The following RFT1 variants were observed in gnomAD, a reference collection of about 807,000 sequenced individuals.
RFT1 encodes man(5)GlcNAc(2)-PP-dolichol translocation protein RFT1.
RFT1 carries 43 observed loss-of-function variants against 62.2 expected under a neutral mutation model. The observed-to-expected ratio is 0.69, with a 90% CI of 0.54 to 0.89. The LOEUF (loss-of-function observed/expected upper bound fraction) is 0.89. Among genes scored for constraint, RFT1 ranks in the 40% least tolerant of loss-of-function variants. The pLI, the probability that RFT1 is intolerant of heterozygous loss-of-function variation, is 0.00. For synonymous variants in RFT1, 262 were observed against 264.6 expected, an observed-to-expected ratio of 0.99 and a Z score of 0.10; for missense variants, 605 against 649.9, an observed-to-expected ratio of 0.93 and a Z score of 0.75.
At chr3:53,123,939 A>G (rs1291061783) in intron 2 of RFT1, 99 bp from the exon 3 acceptor site, 1 of 948,664 alleles carries the variant, frequency 1.1e-6, no homozygotes, top group East Asian at 2.6e-5. Flanking sequence ...AGTCTTGGTC[A>G]TAAACCACTG....
Position 53,091,877 on chromosome 3 carries a change from C to A in RFT1, c.*26G>T, listed in dbSNP as rs994360246. 1 of 1,613,300 alleles carries A rather than the reference C, an allele frequency of 6.2e-7. No individual in the cohort carries two copies. Among genetic ancestry groups the A allele is most frequent in the African/African-American group, 1.3e-5 (1 of 75,050 alleles). On this transcript the variant is annotated 3_prime_UTR_variant, in exon 13 of 13. Transcript: ENST00000296292. ...GAACTACCCATAGCTGGTCCAGGTG[C>A]CTCGGGTGTCCAGGCTTCCCTGAAG...
intron 6 of RFT1, among the ~76,000 whole-genome samples, chr3:53,115,366 TA>T (rs1422653587): frequency 6.6e-6 from 1 of 152,110 alleles, no homozygotes; most frequent in Non-Finnish European, 1.5e-5. Context: ...TAAGACACTA[TA>T]ACTCTGTAAG....
Position 53,104,015 on chromosome 3 carries a change from C to T in RFT1, c.1040G>A (p.Gly347Asp). The T allele has an allele frequency of 6.2e-7, 1 of 1,614,186 alleles. No homozygotes were observed. Among genetic ancestry groups the T allele is most frequent in the Non-Finnish European group, 8.5e-7 (1 of 1,180,032 alleles). The stretch of plus-strand genomic sequence containing the variant: ...CAGAGCCAGCTGAGAATAGGCAAAG[C>T]CAAAAACAGTGATGGTCAGGCCGGC... ...LLAGLTITVF[G>D]FAYSQLALDI... Residue 347 changes from glycine (G) to aspartate (D), a missense_variant, in exon 10 of 13, where the codon GGC (glycine) becomes GAC (aspartate). Physicochemically the swap from Gly to Asp is moderately conservative, Grantham distance 94 (BLOSUM62 -1). Coordinates refer to ENST00000296292, the MANE Select transcript of RFT1 (RefSeq NM_052859.4).
intron 11 of RFT1, among the ~76,000 whole-genome samples, chr3:53,097,330 G>A (rs1701172122): frequency 6.6e-6 from 1 of 152,076 alleles, no homozygotes; most frequent in African/African-American, 2.4e-5. Context: ...GGCCCAGAAA[G>A]AACTGGAACT....
chr3:53,076,129 A>G, the RFT1 span, among the ~76,000 whole-genome samples: 2 of 152,226 alleles, frequency 1.3e-5, no homozygotes, highest in African/African-American at 4.8e-5. Context: ...TAAACCCACA[A>G]AGTGGTCCCA....
chr3:53,111,783 C>T, intron 7 of RFT1, 47 bp downstream of exon 7: 1 of 1,497,846 alleles, frequency 6.7e-7, no homozygotes, highest in Non-Finnish European at 9.3e-7. Context: ...CTATGAAATC[C>T]CCTTCTACTA....
intron 7 of RFT1, among the ~76,000 whole-genome samples, chr3:53,110,025 G>A (rs906214739): frequency 6.6e-5 from 10 of 152,134 alleles, no homozygotes; most frequent in Admixed American, 2.6e-4. Flanking sequence ...CAGGCTCCTG[G>A]CACCACATTC....
downstream of RFT1, among the ~76,000 whole-genome samples, chr3:53,083,681 A>G (rs1275606975): frequency 6.6e-6 from 1 of 152,216 alleles, no homozygotes; most frequent in Non-Finnish European, 1.5e-5. Context: ...AAGACAAGTC[A>G]CCACTGTGCT....
intron 9 of RFT1, among the ~76,000 whole-genome samples, chr3:53,105,422 C>T (rs938906112): frequency 3.7e-5 from 5 of 135,078 alleles, no homozygotes; most frequent in African/African-American, 1.1e-4. Context: ...CCCGCCCCCC[C>T]CCCCAAAAAG....
At chr3:53,068,277 C>T in the RFT1 span, among the ~76,000 whole-genome samples, 2 of 151,960 alleles carry the variant, frequency 1.3e-5, no homozygotes, top group African/African-American at 4.8e-5. Flanking sequence ...GACTGCCCCC[C>T]ATCCATGCTA....
In RFT1 at chr3:53,111,813, A is replaced by C. The variant is rs748210037; in HGVS notation, c.775+17T>G. 1 of 1,606,276 alleles carries C rather than the reference A, an allele frequency of 6.2e-7. No individual in the cohort carries two copies. Among genetic ancestry groups the C allele is most frequent in the South Asian group, 1.1e-5 (1 of 90,938 alleles). On this transcript the variant is annotated intron_variant, in intron 7 of 12. Transcript: ENST00000296292. ...CTACTATGGTCTCCCGACGATTCAG[A>C]GTGACCGTCTACTTACCTTCTGTCA...
At chr3:53,118,323 G>A (rs754112563) in intron 6 of RFT1, among the ~76,000 whole-genome samples, 8 of 152,144 alleles carry the variant, frequency 5.3e-5, no homozygotes, top group Non-Finnish European at 7.4e-5. Context: ...GGGGGCAGGG[G>A]GCAGAAGCTC....
At chr3:53,107,911 C>T (rs562479550) in intron 7 of RFT1, among the ~76,000 whole-genome samples, 30 of 152,298 alleles carry the variant, frequency 2.0e-4, no homozygotes, top group African/African-American at 7.0e-4. Context: ...CTTTCTCCCA[C>T]CCTGACTCTC....
the RFT1 span, chr3:53,077,764 T>C: frequency 6.6e-6 from 1 of 152,264 alleles, no homozygotes; most frequent in Non-Finnish European, 1.5e-5. Flanking sequence ...GGACAGGTCC[T>C]TGTTGCTGGC....
chr3:53,108,706 T>TG (rs959124456), intron 7 of RFT1, among the ~76,000 whole-genome samples: 1 of 150,590 alleles, frequency 6.6e-6, no homozygotes. Context: ...TTAAATGGTT[T>TG]TTTTTTTTTT....
chr3:53,121,597 G>T, intron 5 of RFT1, 102 bp downstream of exon 5: 2 of 907,208 alleles, frequency 2.2e-6, no homozygotes, highest in South Asian at 1.4e-5. Flanking sequence ...TCCTGCACAG[G>T]CATGGGTACT....
At chr3:53,123,988 C>T (rs1266386927) in intron 2 of RFT1, 148 bp from the exon 3 acceptor site, 1 of 671,700 alleles carries the variant, frequency 1.5e-6, no homozygotes, top group Non-Finnish European at 2.7e-6. Context: ...ACAGGACCCC[C>T]TACCGGTCTG....
intron 11 of RFT1, among the ~76,000 whole-genome samples, chr3:53,094,112 C>G (rs1449817285): frequency 6.6e-6 from 1 of 152,010 alleles, no homozygotes; most frequent in Non-Finnish European, 1.5e-5. Flanking sequence ...GGCCAGTACC[C>G]TAGAACTATG....
Position 53,091,789 on chromosome 3 carries a change from G to T in RFT1, c.*114C>A. On this transcript the variant is annotated 3_prime_UTR_variant, in exon 13 of 13. Transcript: ENST00000296292. ...CACTCTCTGGTGCCTCATCTCTGGGGTTGCTGTCACTCCGCTGCAGAGCCC... is the reference window on the plus strand; with the variant it reads ...CACTCTCTGGTGCCTCATCTCTGGGTTTGCTGTCACTCCGCTGCAGAGCCC... 1 of 1,132,606 alleles carries T rather than the reference G, an allele frequency of 8.8e-7. No individual in the cohort carries two copies. The highest frequency in any genetic ancestry group is 1.3e-6 in the Non-Finnish European group (1 of 757,138). 70.2% of individuals were successfully genotyped at this position (1,132,606 alleles called of 1,614,324 possible). A position where few individuals can be genotyped will look rare whatever the true frequency, so the allele number is the denominator to read the frequency against.
Sources: gnomAD v4.1 joint callset for allele counts (sites outside exome capture counted in the v4.1 genomes callset) on GRCh38, gnomAD v4.1.1 for gene constraint, MANE v1.5 for transcripts, NCBI Gene and HGNC (gene_info 2026-07-23, HGNC 2026-07-21) for gene names.